TOP6BL: variants seen among roughly 807,000 people sequenced by gnomAD.
TOP6BL encodes the protein TOP6B like initiator of meiotic double strand breaks.
chr11:66,791,130 A>G, the TOP6BL span, among the ~76,000 whole-genome samples: 1 of 152,228 alleles, frequency 6.6e-6, no homozygotes, highest in Non-Finnish European at 1.5e-5. Context: ...AAGGTTAAGT[A>G]GCAAGGTTCA....
At chr11:66,836,805 A>C in the TOP6BL span, among the ~76,000 whole-genome samples, 1 of 144,712 alleles carries the variant, frequency 6.9e-6, no homozygotes, top group African/African-American at 2.6e-5. Context: ...GGTTCAAGTG[A>C]TTCTCCTGCC....
the TOP6BL span, among the ~76,000 whole-genome samples, chr11:66,762,994 C>T: frequency 6.6e-6 from 1 of 152,130 alleles, no homozygotes; most frequent in Non-Finnish European, 1.5e-5. Flanking sequence ...CGCTTGAGCC[C>T]AGTAGTTAGA....
At chr11:66,828,656 A>AAG in the TOP6BL span, 1 of 273,002 alleles carries the variant, frequency 3.7e-6, no homozygotes, top group Non-Finnish European at 7.1e-6. Context: ...TCTTGTCCAG[A>AAG]AGACACTGTA....
chr11:66,794,328 T>C, the TOP6BL span, among the ~76,000 whole-genome samples: 1 of 152,032 alleles, frequency 6.6e-6, no homozygotes, highest in Non-Finnish European at 1.5e-5. Context: ...CTTTCATTTT[T>C]TTGGAGTTCT....
chr11:66,811,127 A>ATG, the TOP6BL span, among the ~76,000 whole-genome samples: 22 of 151,388 alleles, frequency 1.5e-4, no homozygotes, highest in South Asian at 4.2e-4. Context: ...CTAATTTTGC[A>ATG]TGTGTGTGTG....
the TOP6BL span, among the ~76,000 whole-genome samples, chr11:66,770,025 G>A: frequency 6.6e-6 from 1 of 151,970 alleles, no homozygotes; most frequent in East Asian, 1.9e-4. Flanking sequence ...GATTACAGGC[G>A]TGAGCCACCA....
chr11:66,796,386 T>G, the TOP6BL span: 1 of 1,548,506 alleles, frequency 6.5e-7, no homozygotes, highest in Non-Finnish European at 8.9e-7. Flanking sequence ...CTTTGTACAA[T>G]AATGATTCTC....
At chr11:66,837,590 G>A in the TOP6BL span, among the ~76,000 whole-genome samples, 1 of 151,602 alleles carries the variant, frequency 6.6e-6, no homozygotes, top group Non-Finnish European at 1.5e-5. Flanking sequence ...GATTACAGGA[G>A]CCCACCACCA....
At chr11:66,793,451 T>G in the TOP6BL span, among the ~76,000 whole-genome samples, 15 of 147,224 alleles carry the variant, frequency 1.0e-4, no homozygotes, top group South Asian at 2.1e-4. Flanking sequence ...TTTGTTTTTT[T>G]TTTTTTTTTT....
chr11:66,803,940 A>T, the TOP6BL span: 1 of 1,447,336 alleles, frequency 6.9e-7, no homozygotes, highest in Non-Finnish European at 9.5e-7. Context: ...ATGCTCTTTT[A>T]AATAATTTCT....
At chr11:66,796,622 A>G in the TOP6BL span, among the ~76,000 whole-genome samples, 1 of 151,920 alleles carries the variant, frequency 6.6e-6, no homozygotes, top group African/African-American at 2.4e-5. Flanking sequence ...TCTACAAAAA[A>G]AATTTTAAAA....
At chr11:66,829,627 C>T in the TOP6BL span, among the ~76,000 whole-genome samples, 5 of 151,842 alleles carry the variant, frequency 3.3e-5, no homozygotes, top group Non-Finnish European at 7.4e-5. Flanking sequence ...ATGGCTCATG[C>T]CTGTAATCCC....
At chr11:66,829,163 A>G in the TOP6BL span, among the ~76,000 whole-genome samples, 6 of 151,816 alleles carry the variant, frequency 4.0e-5, no homozygotes, top group African/African-American at 1.4e-4. Context: ...AAGCAGGTGG[A>G]TCACTTGAAG....
the TOP6BL span, among the ~76,000 whole-genome samples, chr11:66,750,573 A>G: frequency 1.3e-5 from 2 of 151,830 alleles, no homozygotes; most frequent in South Asian, 4.2e-4. Flanking sequence ...AAAACCCGAC[A>G]GTACCCTGCG....
the TOP6BL span, among the ~76,000 whole-genome samples, chr11:66,789,873 T>C: frequency 7.2e-5 from 11 of 152,326 alleles, no homozygotes; most frequent in African/African-American, 2.2e-4. Flanking sequence ...CTGACTCATA[T>C]AGATCAGGGC....
chr11:66,748,330 T>C, the TOP6BL span: 1 of 1,412,644 alleles, frequency 7.1e-7, no homozygotes, highest in South Asian at 1.3e-5. Flanking sequence ...GTATTATTAC[T>C]GTGATTTCTA....
the TOP6BL span, among the ~76,000 whole-genome samples, chr11:66,766,755 C>T: frequency 4.6e-5 from 7 of 152,160 alleles, 1 homozygote; most frequent in East Asian, 1.4e-3. Flanking sequence ...TTTTCCCCCT[C>T]TTGATCACTG....
chr11:66,800,987 T>C, the TOP6BL span: 2 of 1,597,822 alleles, frequency 1.3e-6, no homozygotes, highest in East Asian at 4.5e-5. Context: ...AGAGATTGAT[T>C]TTAGAATCTT....
At chr11:66,748,331 G>C in the TOP6BL span, 1 of 1,421,840 alleles carries the variant, frequency 7.0e-7, no homozygotes, top group Admixed American at 2.3e-5. Context: ...TATTATTACT[G>C]TGATTTCTAA....
Sources: gnomAD v4.1 joint callset for allele counts (sites outside exome capture counted in the v4.1 genomes callset) on GRCh38, gnomAD v4.1.1 for gene constraint, MANE v1.5 for transcripts, NCBI Gene and HGNC (gene_info 2026-07-23, HGNC 2026-07-21) for gene names.